Variants in LRRC20 observed in about 807,000 individuals in gnomAD.
LRRC20 encodes the protein leucine rich repeat containing 20, also known as leucine-rich repeat-containing protein 20.
In LRRC20, 11 loss-of-function variants were observed where a neutral mutation model predicts 14.4. The observed-to-expected ratio is 0.77, with a 90% CI of 0.48 to 1.27. The LOEUF (loss-of-function observed/expected upper bound fraction) is 1.27. LRRC20 is among the 50% of genes most tolerant of loss of function. The pLI, the probability that LRRC20 is intolerant of heterozygous loss-of-function variation, is 0.00. For missense variants in LRRC20, 219 were observed against 251.2 expected, an observed-to-expected ratio of 0.87 and a Z score of 0.87; for synonymous variants, 121 against 107.3, an observed-to-expected ratio of 1.13 and a Z score of -0.79.
In LRRC20 at chr10:70,375,391, G is replaced by C. The variant is rs78347241; in HGVS notation, c.82+1061C>G. On this transcript the variant is annotated intron_variant, in intron 2 of 4. Coordinates refer to ENST00000446961, the MANE Select transcript of LRRC20 (RefSeq NM_001278212.2). ...GCTACAGAGGAGAAAGGGAGCAAAGGGTGGATGAGGGAAGGCGGAGGGCTT... is the reference window on the plus strand; with the variant it reads ...GCTACAGAGGAGAAAGGGAGCAAAGCGTGGATGAGGGAAGGCGGAGGGCTT... Among the ~76,000 whole-genome samples, 630 of 152,274 alleles carry C rather than the reference G, an allele frequency of 4.1e-3. 3 individuals are homozygous for C. Among genetic ancestry groups the C allele is most frequent in the African/African-American group, 0.013 (555 of 41,532 alleles).
intron 2 of LRRC20, among the ~76,000 whole-genome samples, chr10:70,341,166 C>T (rs1442547778): frequency 1.3e-5 from 2 of 152,206 alleles, no homozygotes; most frequent in Non-Finnish European, 2.9e-5. Context: ...AGTCCTGTCA[C>T]GCTGAAGGCA....
intron 4 of LRRC20, among the ~76,000 whole-genome samples, chr10:70,317,658 C>T (rs1045908352): frequency 8.5e-5 from 13 of 152,210 alleles, no homozygotes; most frequent in Non-Finnish European, 1.8e-4. Context: ...GGATTACAGG[C>T]GTGAGCCCCC....
chr10:70,322,526 C>G (rs1842128583), intron 4 of LRRC20, among the ~76,000 whole-genome samples: 1 of 152,050 alleles, frequency 6.6e-6, no homozygotes, highest in Non-Finnish European at 1.5e-5. Flanking sequence ...TGGGCAGGCT[C>G]CTTCTGCTCT....
At position 70,360,207 on chromosome 10, in the gene LRRC20, C is replaced by T. The variant is rs1052134761; in HGVS notation, c.82+16245G>A. Reference sequence around the variant, plus strand: ...GGGATTACAGGCGTAAGCCACTGCGCCCATCCGCATTTCTTTTATTTTTGT... The same window carrying T: ...GGGATTACAGGCGTAAGCCACTGCGTCCATCCGCATTTCTTTTATTTTTGT... On this transcript the variant is annotated intron_variant, in intron 2 of 4. Coordinates refer to ENST00000446961, the MANE Select transcript of LRRC20 (RefSeq NM_001278212.2). Among the ~76,000 whole-genome samples the T allele has an allele frequency of 6.6e-5, 10 of 152,320 alleles. No homozygotes were observed. In the East Asian group the frequency reaches 1.5e-3, roughly 24 times the overall value.
chr10:70,319,536 T>C (rs1201719501), intron 4 of LRRC20, among the ~76,000 whole-genome samples: 2 of 151,668 alleles, frequency 1.3e-5, no homozygotes, highest in African/African-American at 4.8e-5. Flanking sequence ...CCACTGAGAG[T>C]CCTCTCTCTA....
chr10:70,305,186 A>C (rs1179962597), intron 4 of LRRC20, among the ~76,000 whole-genome samples: 1 of 152,212 alleles, frequency 6.6e-6, no homozygotes, highest in African/African-American at 2.4e-5. Flanking sequence ...CTCTATCTAA[A>C]TAAATAAATA....
At chr10:70,353,503 C>T (rs766648599) in intron 2 of LRRC20, among the ~76,000 whole-genome samples, 3 of 151,722 alleles carry the variant, frequency 2.0e-5, no homozygotes, top group Non-Finnish European at 2.9e-5. Context: ...CTGCAACCTC[C>T]GCCTCCTGGG....
At chr10:70,377,344 G>A (rs1844547312) in intron 1 of LRRC20, among the ~76,000 whole-genome samples, 1 of 152,158 alleles carries the variant, frequency 6.6e-6, no homozygotes, top group African/African-American at 2.4e-5. Flanking sequence ...AAAGAAAGGT[G>A]AGGAAAACAA....
Position 70,340,665 on chromosome 10 carries a change from G to A in LRRC20, c.120C>T (p.Gly40=), listed in dbSNP as rs1025212206. ...AGACATTCCGCAGGACCTTGTAGAT[G>A]CCAATGGGAAAGGAGACCAGCTTGC... The part of the protein sequence containing the change: ...AECKLVSFPI[G]IYKVLRNVSG... The change falls in exon 3 of 5, where the codon GGC becomes GGT. Residue 40 remains glycine, a synonymous_variant. Transcript: ENST00000446961. The A allele has an allele frequency of 1.2e-6, 2 of 1,614,068 alleles. No homozygotes were observed. The highest frequency in any genetic ancestry group is 1.7e-6 in the Non-Finnish European group (2 of 1,180,050).
chr10:70,370,786 G>A lies in LRRC20; in HGVS notation c.82+5666C>T, dbSNP rs187240555. ...TAAAGATTTAAAACAAGTATAGGCT[G>A]AGACAAGAGGATAGCTTGAGGCCAG... On this transcript the variant is annotated intron_variant, in intron 2 of 4. Transcript: ENST00000446961. Among the ~76,000 whole-genome samples, 29 of 150,920 alleles carry A rather than the reference G, an allele frequency of 1.9e-4. No homozygotes were observed. In the East Asian group the frequency reaches 5.5e-3, roughly 29 times the overall value.
At chr10:70,304,516 G>A (rs1358851718) in intron 4 of LRRC20, among the ~76,000 whole-genome samples, 1 of 101,888 alleles carries the variant, frequency 9.8e-6, no homozygotes, top group African/African-American at 3.2e-5. Flanking sequence ...ATTTTACTAA[G>A]CACCAATAAC....
At chr10:70,344,189 G>A (rs1293706959) in intron 2 of LRRC20, among the ~76,000 whole-genome samples, 3 of 151,960 alleles carry the variant, frequency 2.0e-5, no homozygotes, top group Non-Finnish European at 4.4e-5. Context: ...GTGACAGTGA[G>A]ACCTTGTCTG....
chr10:70,342,435 CT>C (rs1658109716), intron 2 of LRRC20, among the ~76,000 whole-genome samples: 1 of 151,906 alleles, frequency 6.6e-6, no homozygotes, highest in African/African-American at 2.4e-5. Context: ...ATCAATAAAG[CT>C]GATATATATA....
rs529711330 is a variant in LRRC20 at position 70,326,721 on chromosome 10, C to T, written c.233-2691G>A. 1.2e-4 allele frequency among the ~76,000 whole-genome samples: 18 copies of T among 151,936 alleles called. No individual in the cohort carries two copies. The South Asian group carries it at 3.5e-3, about 30-fold the overall frequency. On this transcript the variant is annotated intron_variant, in intron 3 of 4. Transcript: ENST00000446961. ...AGGCTGGAGTGCAGTGGTGTGATCT[C>T]GGCTCACTGCAAGCTCCGCCTCCTG... is the stretch of plus-strand genomic sequence containing the variant.
chr10:70,302,976 C>T (rs1358400040), intron 4 of LRRC20, among the ~76,000 whole-genome samples: 4 of 151,594 alleles, frequency 2.6e-5, no homozygotes, highest in African/African-American at 9.7e-5. Context: ...TCCCAAAGTG[C>T]TGGGATTACA....
At chr10:70,317,728 C>T (rs1434300037) in intron 4 of LRRC20, among the ~76,000 whole-genome samples, 1 of 152,180 alleles carries the variant, frequency 6.6e-6, no homozygotes, top group African/African-American at 2.4e-5. Context: ...CAGTCAGTCC[C>T]AGGGGACACT....
intron 1 of LRRC20, chr10:70,376,810 C>A: frequency 2.1e-6 from 1 of 479,646 alleles, no homozygotes; most frequent in Non-Finnish European, 3.8e-6. Flanking sequence ...CAGCTGGGTT[C>A]TACTGGTTTT....
chr10:70,367,320 C>A (rs1374112110), intron 2 of LRRC20, among the ~76,000 whole-genome samples: 2 of 88,866 alleles, frequency 2.3e-5, no homozygotes, highest in African/African-American at 9.0e-5. Context: ...AAGAGTGAGA[C>A]CCGGTCTCAA....
intron 4 of LRRC20, among the ~76,000 whole-genome samples, 171 bp downstream of exon 4, chr10:70,323,692 G>C (rs1589958853): frequency 1.3e-5 from 2 of 152,212 alleles, no homozygotes; most frequent in East Asian, 3.9e-4. Flanking sequence ...GCACCCGGTA[G>C]GCAACAGGGC....
Sources: allele counts gnomAD v4.1 joint callset (sites outside exome capture counted in the v4.1 genomes callset), GRCh38; gene constraint gnomAD v4.1.1; transcripts MANE v1.5; gene names NCBI Gene and HGNC (gene_info 2026-07-23, HGNC 2026-07-21).